Variants in VPS13C observed in about 807,000 individuals in gnomAD.
VPS13C encodes the protein intermembrane lipid transfer protein VPS13C.
Under a neutral mutation model 456.8 loss-of-function variants are expected in VPS13C, and 358 were observed. The ratio of observed to expected loss-of-function variants is 0.78; its 90% confidence interval spans 0.72 to 0.86. VPS13C has a LOEUF of 0.86. Among genes scored for constraint, VPS13C ranks in the 40% least tolerant of loss-of-function variants. The pLI, the probability that VPS13C is intolerant of heterozygous loss-of-function variation, is 0.00. For synonymous variants in VPS13C, 1,578 were observed against 1,486.7 expected, an observed-to-expected ratio of 1.06 and a Z score of -1.41; for missense variants, 4,818 against 4,385.4, an observed-to-expected ratio of 1.10 and a Z score of -2.79.
chr15:61,920,142 T>C lies in VPS13C; in HGVS notation c.7402A>G (p.Ser2468Gly). The stretch of plus-strand genomic sequence containing the variant: ...TTCCCTTGACTTGAAGGTACCATGC[T>C]GGCATACTCCAGTTCCAAATTCTGG... The part of the protein sequence containing the change: ...AGQNLELEYA[S>G]MVPSSQGNLS... The change falls in exon 57 of 85, where the codon AGC (serine) becomes GGC (glycine). Residue 2468 changes from serine (S) to glycine (G), a missense_variant. Ser to Gly is a moderately conservative substitution (Grantham distance 56). This residue lies in a region of VPS13C where 4,552 missense variants were observed against 4,130.6 expected (regional missense o/e 1.10). Coordinates refer to ENST00000644861, the MANE Select transcript of VPS13C (RefSeq NM_020821.3). 1.4e-5 allele frequency: 22 copies of C among 1,613,636 alleles called. No homozygotes were observed. Among genetic ancestry groups the C allele is most frequent in the Non-Finnish European group, 1.9e-5 (22 of 1,179,654 alleles).
intron 9 of VPS13C, among the ~76,000 whole-genome samples, chr15:62,016,567 C>T (rs999040684): frequency 3.9e-5 from 6 of 151,924 alleles, no homozygotes; most frequent in Middle Eastern, 6.8e-3. Context: ...TGATGGTTTC[C>T]AGCTTCATCC....
At chr15:61,940,826 T>C in intron 46 of VPS13C, 32 bp from the exon 47 acceptor site, 1 of 1,592,238 alleles carries the variant, frequency 6.3e-7, no homozygotes, top group South Asian at 1.1e-5. Flanking sequence ...ATTTTTTACT[T>C]CAAATTTACA....
intron 51 of VPS13C, 126 bp downstream of exon 51, chr15:61,929,375 T>G (rs2043976095): frequency 7.8e-7 from 1 of 1,282,244 alleles, no homozygotes; most frequent in Admixed American, 2.8e-5. Flanking sequence ...AAAGTTTTTA[T>G]ATAGAATATG....
intron 49 of VPS13C, among the ~76,000 whole-genome samples, chr15:61,931,647 G>A (rs1596347245): frequency 2.0e-5 from 3 of 148,762 alleles, no homozygotes; most frequent in Admixed American, 1.4e-4. Flanking sequence ...GCGCGATCTC[G>A]GCTCACTGCA....
chr15:62,008,533 T>C (rs552305079), intron 14 of VPS13C, 122 bp downstream of exon 14: 2 of 526,730 alleles, frequency 3.8e-6, no homozygotes, highest in Admixed American at 3.8e-5. Flanking sequence ...TGTCTTTTAA[T>C]ACTCTTGTCT....
At chr15:61,973,994 C>T (rs1489522051) in intron 25 of VPS13C, among the ~76,000 whole-genome samples, 1 of 152,000 alleles carries the variant, frequency 6.6e-6, no homozygotes, top group Non-Finnish European at 1.5e-5. Flanking sequence ...AAGTAGATAT[C>T]CAAAATTTCT....
At chr15:62,012,571 C>CT (rs1320658844) in intron 11 of VPS13C, among the ~76,000 whole-genome samples, 1 of 151,820 alleles carries the variant, frequency 6.6e-6, no homozygotes, top group Non-Finnish European at 1.5e-5. Context: ...TCTTTAATCT[C>CT]TAAGTAAATA....
chr15:62,028,584 T>G (rs1202508565), intron 5 of VPS13C, among the ~76,000 whole-genome samples, 164 bp from the exon 6 acceptor site: 1 of 152,124 alleles, frequency 6.6e-6, no homozygotes, highest in African/African-American at 2.4e-5. Flanking sequence ...TGAGGAAATA[T>G]TCACAGTGAC....
chr15:61,985,873 G>A (rs1030926017), intron 18 of VPS13C, among the ~76,000 whole-genome samples: 2 of 152,086 alleles, frequency 1.3e-5, no homozygotes, highest in Non-Finnish European at 2.9e-5. Flanking sequence ...CCTAGAGGCT[G>A]TGAAGCTAGG....
chr15:62,018,169 G>T (rs1289009297), intron 9 of VPS13C, among the ~76,000 whole-genome samples: 1 of 152,146 alleles, frequency 6.6e-6, no homozygotes, highest in East Asian at 1.9e-4. Context: ...TTGCTTATCA[G>T]CTTAAGGAGA....
At chr15:62,020,822 T>A (rs1350303698) in intron 8 of VPS13C, among the ~76,000 whole-genome samples, 1 of 151,984 alleles carries the variant, frequency 6.6e-6, no homozygotes, top group African/African-American at 2.4e-5. Context: ...TCTAGACAGT[T>A]AAAAAGGAAT....
chr15:62,002,493 T>TCA (rs2046664263), intron 15 of VPS13C, among the ~76,000 whole-genome samples: 1 of 152,224 alleles, frequency 6.6e-6, no homozygotes, highest in Non-Finnish European at 1.5e-5. Context: ...GATGGTAGTT[T>TCA]CTTTTGCTGT....
intron 15 of VPS13C, 54 bp from the exon 16 acceptor site, chr15:62,000,680 A>G: frequency 1.3e-6 from 2 of 1,495,748 alleles, no homozygotes; most frequent in Non-Finnish European, 1.8e-6. Flanking sequence ...AGATAAAAGA[A>G]ATTTTTCTTT....
chr15:61,972,937 T>G (rs1368654119), intron 26 of VPS13C, among the ~76,000 whole-genome samples, 173 bp from the exon 27 acceptor site: 1 of 152,188 alleles, frequency 6.6e-6, no homozygotes, highest in Non-Finnish European at 1.5e-5. Flanking sequence ...ACCTGCCATG[T>G]AATAATCACA....
At chr15:61,960,578 T>G (rs551640594) in intron 35 of VPS13C, among the ~76,000 whole-genome samples, 108 of 152,288 alleles carry the variant, frequency 7.1e-4, no homozygotes, top group African/African-American at 2.6e-3. Context: ...TGATAAAGTA[T>G]TTAGGGACAA....
intron 79 of VPS13C, among the ~76,000 whole-genome samples, chr15:61,870,161 A>G (rs970127137): frequency 2.3e-4 from 35 of 152,318 alleles, no homozygotes; most frequent in Admixed American, 1.3e-4. Context: ...AACTATCACC[A>G]CAATCCATTT....
chr15:61,970,514 G>A (rs1292297485), intron 27 of VPS13C, among the ~76,000 whole-genome samples: 4 of 152,114 alleles, frequency 2.6e-5, no homozygotes, highest in Admixed American at 1.3e-4. Flanking sequence ...TTAAAGAAGA[G>A]GCCAAGTGCG....
At chr15:62,005,532 T>C (rs1477511197) in intron 15 of VPS13C, among the ~76,000 whole-genome samples, 1 of 151,866 alleles carries the variant, frequency 6.6e-6, no homozygotes, top group Non-Finnish European at 1.5e-5. Flanking sequence ...AAGTTAATAT[T>C]GTTATGTGTG....
Position 62,023,498 on chromosome 15 carries a change from CT to C in VPS13C, c.536del (p.Lys179ArgfsTer12). The C allele has an allele frequency of 3.8e-6, 6 of 1,574,550 alleles. No homozygotes were observed. The highest frequency in any genetic ancestry group is 2.4e-5 in the South Asian group (2 of 82,886). ...RSKDKPKEAK[K>X]DTFVEKLATQ... Reference sequence around the variant, plus strand: ...TTGCCAATTTTTCCACAAATGTATCCTTTTTGGCTTCTTTTGGCTTATCTAT... The same window carrying C: ...TTGCCAATTTTTCCACAAATGTATCCTTTTGGCTTCTTTTGGCTTATCTAT... On this transcript the variant is annotated frameshift_variant, in exon 8 of 85. Transcript: ENST00000644861. LOFTEE classifies it high-confidence loss of function.
Sources: allele counts gnomAD v4.1 joint callset (sites outside exome capture counted in the v4.1 genomes callset), GRCh38; gene constraint gnomAD v4.1.1; regional missense constraint gnomAD v4.1.1; transcripts MANE v1.5; gene names NCBI Gene and HGNC (gene_info 2026-07-23, HGNC 2026-07-21).